ARIH2: variants seen among roughly 807,000 people sequenced by gnomAD.
ARIH2 encodes the protein ariadne RBR E3 ubiquitin protein ligase 2.
Under a neutral mutation model 79.8 loss-of-function variants are expected in ARIH2, and 12 were observed. The ratio of observed to expected loss-of-function variants is 0.15; its 90% CI spans 0.10 to 0.24. The LOEUF is 0.24. ARIH2 is among the 10% of genes least tolerant of loss of function. The pLI is 1.00. For synonymous variants in ARIH2, 224 were observed against 213.9 expected (o/e 1.05, Z -0.41); for missense variants, 301 against 618.3 (o/e 0.49, Z 5.44).
intron 3 of ARIH2, among the ~76,000 whole-genome samples, chr3:48,931,374 T>C (rs1364976283): frequency 1.3e-5 from 2 of 151,752 alleles, no homozygotes; most frequent in Admixed American, 1.3e-4. Context: ...TGAAACCCCA[T>C]CTCTACTAAA....
chr3:48,944,197 TG>T (rs1273792123), intron 3 of ARIH2, among the ~76,000 whole-genome samples: 1 of 152,066 alleles, frequency 6.6e-6, no homozygotes, highest in Non-Finnish European at 1.5e-5. Context: ...AGGGGAGGGC[TG>T]GAATGGAGAC....
intron 3 of ARIH2, among the ~76,000 whole-genome samples, chr3:48,944,267 A>G (rs141246366): frequency 6.6e-6 from 1 of 152,174 alleles, no homozygotes; most frequent in Non-Finnish European, 1.5e-5. Context: ...ACTTTGGTAG[A>G]TGTTTGAAAT....
At chr3:48,973,049 G>A (rs1235294833) in intron 8 of ARIH2, among the ~76,000 whole-genome samples, 1 of 152,234 alleles carries the variant, frequency 6.6e-6, no homozygotes, top group Non-Finnish European at 1.5e-5. Context: ...GTTAGAGCAT[G>A]TCTTACAAAG....
intron 7 of ARIH2, among the ~76,000 whole-genome samples, chr3:48,969,175 TTTC>T (rs915312120): frequency 2.0e-5 from 3 of 151,340 alleles, no homozygotes; most frequent in African/African-American, 7.3e-5. Context: ...ACCCAGCCTC[TTTC>T]TTTTTTTTTT....
intron 3 of ARIH2, among the ~76,000 whole-genome samples, chr3:48,938,256 C>CT (rs1207210594): frequency 6.6e-6 from 1 of 152,174 alleles, no homozygotes; most frequent in Non-Finnish European, 1.5e-5. Context: ...AACACTGCTA[C>CT]TTCAAGATGG....
At chr3:48,974,771 C>G in intron 9 of ARIH2, 46 bp from the exon 10 acceptor site, 2 of 1,608,004 alleles carry the variant, frequency 1.2e-6, no homozygotes, top group South Asian at 1.1e-5. Context: ...GTCTTAAAAC[C>G]AACCTGGTGG....
At chr3:48,967,063 G>A in intron 5 of ARIH2, 62 bp from the exon 6 acceptor site, 1 of 1,556,378 alleles carries the variant, frequency 6.4e-7, no homozygotes, top group Non-Finnish European at 8.8e-7. Flanking sequence ...GCTGCATGAG[G>A]TACCCTTATG....
rs928145753 is a variant in ARIH2 at position 48,921,733 on chromosome 3, G to A, written c.-161-1015G>A. Among the ~76,000 whole-genome samples the A allele has an allele frequency of 2.0e-5, 3 of 151,488 alleles. No homozygotes were observed. The South Asian group carries it at 6.3e-4, about 32-fold the overall frequency. ...GGATTACTGGCATGAGCCACCACAC[G>A]TGGTCCTGGAATTTTTCTTTTTTTT... is the stretch of plus-strand genomic sequence containing the variant. On this transcript the variant is annotated intron_variant, in intron 1 of 15. Transcript: ENST00000356401.
intron 6 of ARIH2, among the ~76,000 whole-genome samples, chr3:48,967,827 A>G (rs1290452901): frequency 6.6e-6 from 1 of 152,214 alleles, no homozygotes; most frequent in African/African-American, 2.4e-5. Flanking sequence ...TTGTTATTTA[A>G]TGGTGCCGTT....
intron 3 of ARIH2, among the ~76,000 whole-genome samples, chr3:48,939,787 AAAAC>A (rs796121035): frequency 4.0e-5 from 6 of 151,170 alleles, no homozygotes; most frequent in Non-Finnish European, 7.4e-5. Flanking sequence ...CAAAAACAAA[AAAAC>A]AAAAAAAAAA....
chr3:48,919,383 GA>G, intron 1 of ARIH2: 1 of 437,220 alleles, frequency 2.3e-6, no homozygotes. Context: ...CCCGCCTGTG[GA>G]GGGTATCCCC....
rs138561420 is a variant in ARIH2, at chr3:48,963,547, C to T, written c.324-1372C>T. 3.0e-3 allele frequency among the ~76,000 whole-genome samples: 451 copies of T among 152,172 alleles called. 4 individuals carry two copies. The highest frequency in any genetic ancestry group is 0.01 in the African/African-American group (428 of 41,520). ...GCACTTTTATTGCCACTTGATAATT[C>T]TGTTATAAATGGAAAATTATTGTAG... On this transcript the variant is annotated intron_variant, in intron 4 of 15. Coordinates refer to ENST00000356401, the MANE Select transcript of ARIH2 (RefSeq NM_006321.4).
intron 3 of ARIH2, among the ~76,000 whole-genome samples, chr3:48,937,917 G>GAT: frequency 6.6e-6 from 1 of 151,922 alleles, no homozygotes; most frequent in African/African-American, 2.4e-5. Flanking sequence ...CGTAGTGGCG[G>GAT]GCGCCTGTAG....
Position 48,984,436 on chromosome 3 carries a change from C to G in ARIH2, c.*1166C>G, listed in dbSNP as rs1433327134. On this transcript the variant is annotated 3_prime_UTR_variant, in exon 16 of 16. Coordinates refer to ENST00000356401, the MANE Select transcript of ARIH2 (RefSeq NM_006321.4). ...TTCCAGCTGTCAGAGGGATACCATC[C>G]TAGGGTCTGGGAATCCAAGGCCACG... 2 of 152,568 alleles carry G rather than the reference C, an allele frequency of 1.3e-5. No individual in the cohort carries two copies. Among genetic ancestry groups the G allele is most frequent in the Non-Finnish European group, 2.9e-5 (2 of 68,042 alleles). 9.5% of individuals were successfully genotyped at this position (152,568 alleles called of 1,614,324 possible). A position where few individuals can be genotyped will look rare whatever the true frequency, so the allele number is the denominator to read the frequency against.
At chr3:48,975,498 T>C (rs945201143) in intron 11 of ARIH2, among the ~76,000 whole-genome samples, 6 of 151,932 alleles carry the variant, frequency 3.9e-5, no homozygotes, top group Non-Finnish European at 5.9e-5. Flanking sequence ...TCCCTTCAAG[T>C]AGAAAATATG....
intron 6 of ARIH2, 84 bp downstream of exon 6, chr3:48,967,359 G>A (rs1002019920): frequency 8.9e-6 from 13 of 1,456,020 alleles, no homozygotes; most frequent in East Asian, 7.0e-5. Context: ...AGTAAACTGA[G>A]TATTTTCTTC....
chr3:48,981,416 G>C (rs560516565), intron 13 of ARIH2, among the ~76,000 whole-genome samples: 67 of 152,096 alleles, frequency 4.4e-4, no homozygotes, highest in Non-Finnish European at 8.8e-4. Context: ...AAAATCCATT[G>C]AGGCAGCTGC....
chr3:48,970,899 G>C (rs2092186920), intron 8 of ARIH2, 195 bp downstream of exon 8: 2 of 499,154 alleles, frequency 4.0e-6, no homozygotes, highest in Non-Finnish European at 7.3e-6. Context: ...GCTCAGTCTG[G>C]AGGCAAGGAA....
intron 3 of ARIH2, among the ~76,000 whole-genome samples, chr3:48,953,902 A>G (rs201688444): frequency 6.7e-6 from 1 of 149,190 alleles, no homozygotes; most frequent in African/African-American, 2.5e-5. Context: ...GGTGGCTCAC[A>G]CCTGTAATCC....
Sources: allele counts gnomAD v4.1 joint callset (sites outside exome capture counted in the v4.1 genomes callset), GRCh38; gene constraint gnomAD v4.1.1; transcripts MANE v1.5; gene names NCBI Gene and HGNC (gene_info 2026-07-23, HGNC 2026-07-21).